DNAAF11: variants seen among roughly 807,000 people sequenced by gnomAD.
DNAAF11 encodes the protein dynein axonemal assembly factor 11.
A neutral mutation model predicts 60.8 loss-of-function variants in DNAAF11; 45 were observed. That is an observed-to-expected ratio of 0.74 (90% CI 0.58 to 0.95). DNAAF11 has a LOEUF of 0.95. Ranked by LOEUF, DNAAF11 falls within the 40% of genes least tolerant of loss-of-function variation. The probability of loss-of-function intolerance (pLI) is 0.00; values close to 1 mark genes in which losing one functional copy is unlikely to be tolerated. For synonymous variants in DNAAF11, 191 were observed against 183.5 expected (o/e 1.04, Z -0.33); for missense variants, 546 against 546.2 (o/e 1.00, Z 0.00).
At chr8:132,590,144 A>G (rs1244230440) in intron 10 of DNAAF11, among the ~76,000 whole-genome samples, 2 of 152,114 alleles carry the variant, frequency 1.3e-5, no homozygotes, top group Non-Finnish European at 2.9e-5. Context: ...ATCACTATCC[A>G]CAGAACCCTG....
At chr8:132,638,233 G>A in intron 3 of DNAAF11, 126 bp from the exon 4 acceptor site, 2 of 673,832 alleles carry the variant, frequency 3.0e-6, no homozygotes, top group South Asian at 3.8e-5. Flanking sequence ...TTATTGCATT[G>A]CTCACCATGA....
chr8:132,609,350 G>GAA (rs530973490), intron 10 of DNAAF11, among the ~76,000 whole-genome samples: 1 of 115,970 alleles, frequency 8.6e-6, no homozygotes. Context: ...CGGGAATCAA[G>GAA]AAAAAAAAAA....
At chr8:132,597,694 C>T (rs1473457025) in intron 10 of DNAAF11, among the ~76,000 whole-genome samples, 1 of 152,154 alleles carries the variant, frequency 6.6e-6, no homozygotes, top group East Asian at 1.9e-4. Context: ...TTGAAGAAAA[C>T]AATTATCTGC....
the DNAAF11 span, among the ~76,000 whole-genome samples, chr8:132,693,277 G>A: frequency 6.6e-6 from 1 of 152,158 alleles, no homozygotes; most frequent in Admixed American, 6.5e-5. Context: ...GAAAAATGGA[G>A]GGAGAAAGCA....
chr8:132,599,215 C>G (rs1168493572), intron 10 of DNAAF11, among the ~76,000 whole-genome samples: 2 of 152,124 alleles, frequency 1.3e-5, no homozygotes, highest in Non-Finnish European at 2.9e-5. Context: ...CACCCCAAGA[C>G]TAAACCAGGA....
chr8:132,644,387 G>C (rs1225780666), intron 3 of DNAAF11, among the ~76,000 whole-genome samples: 1 of 152,100 alleles, frequency 6.6e-6, no homozygotes, highest in Admixed American at 6.5e-5. Context: ...CGGCCAAATA[G>C]GAACAGCTCC....
At chr8:132,572,827 A>G (rs750961961) in intron 11 of DNAAF11, among the ~76,000 whole-genome samples, 116 of 152,328 alleles carry the variant, frequency 7.6e-4, no homozygotes, top group Middle Eastern at 3.4e-3. Flanking sequence ...GCCAAGATCA[A>G]TAACTGAATC....
chr8:132,622,908 C>G (rs1000151675), intron 6 of DNAAF11: 1 of 419,776 alleles, frequency 2.4e-6, no homozygotes, highest in African/African-American at 2.0e-5. Context: ...GTATCTGTAT[C>G]TGTACAGCAA....
chr8:132,572,621 C>T, intron 11 of DNAAF11, 141 bp from the exon 12 acceptor site: 1 of 544,316 alleles, frequency 1.8e-6, no homozygotes, highest in Non-Finnish European at 3.2e-6. Flanking sequence ...AGAGAATGTC[C>T]CTAGCATCAA....
chr8:132,628,210 G>A (rs1820465991), intron 5 of DNAAF11, among the ~76,000 whole-genome samples: 1 of 152,076 alleles, frequency 6.6e-6, no homozygotes, highest in African/African-American at 2.4e-5. Flanking sequence ...TCAGAAGTTA[G>A]AGACCAGCCT....
At chr8:132,675,575 C>T (rs907378629), upstream of DNAAF11, 16 of 1,393,002 alleles carry the variant, frequency 1.1e-5, no homozygotes, top group Non-Finnish European at 1.3e-5. Context: ...TGCTCCTCAG[C>T]GCGTCCCCGT....
At chr8:132,605,986 C>T (rs1818091747) in intron 10 of DNAAF11, among the ~76,000 whole-genome samples, 1 of 152,034 alleles carries the variant, frequency 6.6e-6, no homozygotes, top group Non-Finnish European at 1.5e-5. Flanking sequence ...GCCTTTAACT[C>T]TGAATAAAAT....
At position 132,625,424 on chromosome 8, in the gene DNAAF11, CT is replaced by C. The variant is rs1820160790; in HGVS notation, c.683del (p.Gln228ArgfsTer13). 6.2e-7 allele frequency: 1 copy of C among 1,610,934 alleles called. No homozygotes were observed. The highest frequency in any genetic ancestry group is 8.5e-7 in the Non-Finnish European group (1 of 1,178,896). On this transcript the variant is annotated frameshift_variant, in exon 6 of 12. Transcript: ENST00000620350. LOFTEE classifies it high-confidence loss of function. ...TGTTGTGTTCCTCTGTGTCTGGTGC[CT>C]GTAGGTGGTCTTTGCTCTCTAAAGA... Reference protein sequence around the residue: ...LSSLESKDHLQAPDTEEHNTK... With the variant: ...LSSLESKDHLXAPDTEEHNTK...
At chr8:132,678,548 A>AT (rs1161431222), upstream of DNAAF11, among the ~76,000 whole-genome samples, 1 of 151,636 alleles carries the variant, frequency 6.6e-6, no homozygotes, top group Non-Finnish European at 1.5e-5. Context: ...CCTGGCTAAT[A>AT]TTTTTTTAGA....
At chr8:132,678,730 AATAAAAATAAATTTTTAT>A (rs974047661), upstream of DNAAF11, among the ~76,000 whole-genome samples, 139 of 151,078 alleles carry the variant, frequency 9.2e-4, no homozygotes, top group Non-Finnish European at 1.6e-3. Context: ...TTTTATCAAG[AATAAAAATAAATTTTTAT>A]ATAAAAATAA....
intron 5 of DNAAF11, among the ~76,000 whole-genome samples, chr8:132,629,496 T>C (rs557940747): frequency 1.1e-4 from 17 of 152,144 alleles, no homozygotes; most frequent in African/African-American, 3.6e-4. Flanking sequence ...TACAGGCGCC[T>C]GCCACCACAC....
At chr8:132,633,784 T>C (rs557390757) in intron 4 of DNAAF11, among the ~76,000 whole-genome samples, 1 of 152,180 alleles carries the variant, frequency 6.6e-6, no homozygotes, top group Non-Finnish European at 1.5e-5. Context: ...AGAGGTAAAG[T>C]TGGCACACTG....
intron 1 of DNAAF11, among the ~76,000 whole-genome samples, chr8:132,669,985 A>T: frequency 6.6e-6 from 1 of 151,342 alleles, no homozygotes; most frequent in African/African-American, 2.4e-5. Context: ...AAAGCAACAT[A>T]TCAAAATTTG....
At chr8:132,630,623 C>T (rs1475836571) in intron 5 of DNAAF11, among the ~76,000 whole-genome samples, 1 of 152,094 alleles carries the variant, frequency 6.6e-6, no homozygotes, top group East Asian at 1.9e-4. Flanking sequence ...TTGTAAAGCA[C>T]ATAACCACCA....
Sources: allele counts gnomAD v4.1 joint callset (sites outside exome capture counted in the v4.1 genomes callset), GRCh38; gene constraint gnomAD v4.1.1; transcripts MANE v1.5; gene names NCBI Gene and HGNC (gene_info 2026-07-23, HGNC 2026-07-21).